Variants in AK4 observed in about 807,000 individuals in gnomAD.
AK4 encodes the protein adenylate kinase 4.
A neutral mutation model predicts 24.6 loss-of-function variants in AK4; 13 were observed. The observed-to-expected ratio is 0.53, with a 90% CI of 0.34 to 0.84. AK4 has a LOEUF of 0.84. Ranked by LOEUF, AK4 falls within the 40% of genes least tolerant of loss-of-function variation. The pLI, the probability that AK4 is intolerant of heterozygous loss-of-function variation, is 0.01. For synonymous variants in AK4, 88 were observed against 107.0 expected, an observed-to-expected ratio of 0.82 and a Z score of 1.10; for missense variants, 192 against 288.2, an observed-to-expected ratio of 0.67 and a Z score of 2.42.
At chr1:65,162,568 C>T (rs565409410) in intron 1 of AK4, among the ~76,000 whole-genome samples, 4 of 151,910 alleles carry the variant, frequency 2.6e-5, no homozygotes, top group East Asian at 1.9e-4. Flanking sequence ...CAGGGCCGGG[C>T]GCAGTGGCAC....
intron 2 of AK4, among the ~76,000 whole-genome samples, chr1:65,196,885 C>T (rs560287692): frequency 2.2e-4 from 33 of 152,258 alleles, no homozygotes; most frequent in Non-Finnish European, 4.3e-4. Context: ...TACAGTTCCA[C>T]GTGGCTTGGG....
chr1:65,205,805 T>C (rs1243895032), intron 2 of AK4, among the ~76,000 whole-genome samples: 2 of 152,250 alleles, frequency 1.3e-5, no homozygotes, highest in African/African-American at 4.8e-5. Flanking sequence ...CTTTATACTT[T>C]AAATTTTTCT....
At chr1:65,199,343 T>C (rs1162200611) in intron 2 of AK4, among the ~76,000 whole-genome samples, 1 of 151,844 alleles carries the variant, frequency 6.6e-6, no homozygotes, top group Non-Finnish European at 1.5e-5. Flanking sequence ...AGGTCAGGAG[T>C]TCGAGACCAG....
At chr1:65,201,563 G>A (rs199533754) in intron 2 of AK4, among the ~76,000 whole-genome samples, 3 of 152,170 alleles carry the variant, frequency 2.0e-5, no homozygotes, top group African/African-American at 7.2e-5. Context: ...TTTGTGTCTT[G>A]ATAAGCTAGG....
chr1:65,157,898 C>T (rs995056578), intron 1 of AK4, among the ~76,000 whole-genome samples: 1 of 152,024 alleles, frequency 6.6e-6, no homozygotes, highest in Non-Finnish European at 1.5e-5. Flanking sequence ...TTAGAGGAGG[C>T]GATTCCTGAG....
intron 1 of AK4, among the ~76,000 whole-genome samples, chr1:65,157,377 C>A (rs1469615231): frequency 1.3e-5 from 2 of 152,112 alleles, no homozygotes; most frequent in African/African-American, 4.8e-5. Flanking sequence ...TGTTTGAGTG[C>A]CAGGCAATCT....
intron 1 of AK4, among the ~76,000 whole-genome samples, chr1:65,151,267 T>C (rs1649762826): frequency 6.6e-6 from 1 of 151,924 alleles, no homozygotes; most frequent in Non-Finnish European, 1.5e-5. Flanking sequence ...GCACCTGACC[T>C]CCTCTCCTCT....
chr1:65,179,759 T>C (rs1319191268), intron 1 of AK4, among the ~76,000 whole-genome samples: 1 of 152,012 alleles, frequency 6.6e-6, no homozygotes, highest in African/African-American at 2.4e-5. Flanking sequence ...CGCTTGAGTC[T>C]GGGAGGTCAA....
chr1:65,162,651 G>A (rs1218302181), intron 1 of AK4, among the ~76,000 whole-genome samples: 1 of 151,754 alleles, frequency 6.6e-6, no homozygotes, highest in Non-Finnish European at 1.5e-5. Context: ...GACCATCCCG[G>A]CTAACACGGT....
chr1:65,168,566 A>G (rs1461226958), intron 1 of AK4, among the ~76,000 whole-genome samples: 1 of 152,170 alleles, frequency 6.6e-6, no homozygotes, highest in Admixed American at 6.5e-5. Flanking sequence ...TACTGGGATT[A>G]TAGGCATGAG....
chr1:65,169,505 A>G (rs973872424), intron 1 of AK4, among the ~76,000 whole-genome samples: 1 of 152,166 alleles, frequency 6.6e-6, no homozygotes, highest in Non-Finnish European at 1.5e-5. Flanking sequence ...TCATTTGTAA[A>G]TGAGAGTAAT....
At chr1:65,200,647 G>C (rs575353708) in intron 2 of AK4, among the ~76,000 whole-genome samples, 1 of 152,268 alleles carries the variant, frequency 6.6e-6, no homozygotes, top group East Asian at 1.9e-4. Context: ...CCAGGTGATC[G>C]CATGCATTTC....
intron 1 of AK4, among the ~76,000 whole-genome samples, chr1:65,188,095 T>G (rs971055635): frequency 3.9e-5 from 6 of 151,904 alleles, no homozygotes; most frequent in African/African-American, 1.5e-4. Flanking sequence ...CTACCTAAAT[T>G]AAAGGTGAAA....
At chr1:65,202,528 C>T (rs568076679) in intron 2 of AK4, among the ~76,000 whole-genome samples, 15 of 152,160 alleles carry the variant, frequency 9.9e-5, no homozygotes, top group African/African-American at 3.4e-4. Flanking sequence ...TGCACCTAGC[C>T]CATTTGCCAT....
At chr1:65,159,178 C>T (rs373784856) in intron 1 of AK4, among the ~76,000 whole-genome samples, 18 of 152,310 alleles carry the variant, frequency 1.2e-4, no homozygotes, top group African/African-American at 4.3e-4. Flanking sequence ...CAGCAGTAAC[C>T]TGTAACCCTG....
intron 3 of AK4, among the ~76,000 whole-genome samples, chr1:65,219,150 A>G (rs1652221991): frequency 6.6e-6 from 1 of 151,740 alleles, no homozygotes; most frequent in Non-Finnish European, 1.5e-5. Context: ...CAAAATATAA[A>G]AATTTTTAAT....
chr1:65,149,370 T>TC (rs1005230980), intron 1 of AK4, among the ~76,000 whole-genome samples: 1 of 152,180 alleles, frequency 6.6e-6, no homozygotes, highest in African/African-American at 2.4e-5. Flanking sequence ...TGCGTCCCTT[T>TC]CCCCCTCTCC....
Position 65,168,145 on chromosome 1 carries a change from C to CTTTT in AK4, c.145+19609_145+19612dup, listed in dbSNP as rs3051710. 2.6e-3 allele frequency among the ~76,000 whole-genome samples: 328 copies of CTTTT among 125,224 alleles called. 7 individuals are homozygous for CTTTT. The highest frequency in any genetic ancestry group is 9.4e-3 in the African/African-American group (304 of 32,426). The allele number at this position is 125,224 out of a possible 152,430, so 82.2% of individuals were successfully genotyped here. On this transcript the variant is annotated intron_variant, in intron 1 of 4. Coordinates refer to ENST00000327299, the MANE Select transcript of AK4 (RefSeq NM_013410.4). ...GCTTTAGTAGGTTACTCTGCATATTCTTTTTTTTTTTTTTTTTTTGAGACA... is the reference window on the plus strand; with the variant it reads ...GCTTTAGTAGGTTACTCTGCATATTCTTTTTTTTTTTTTTTTTTTTTTTGAGACA...
intron 1 of AK4, among the ~76,000 whole-genome samples, chr1:65,175,155 G>A (rs1032830408): frequency 1.3e-5 from 2 of 152,190 alleles, no homozygotes; most frequent in Non-Finnish European, 2.9e-5. Context: ...TGGTATCGTT[G>A]TTCTTGCTGG....
Sources: allele counts gnomAD v4.1 joint callset (sites outside exome capture counted in the v4.1 genomes callset), GRCh38; gene constraint gnomAD v4.1.1; transcripts MANE v1.5; gene names NCBI Gene and HGNC (gene_info 2026-07-23, HGNC 2026-07-21).